FSTL4: variants seen among roughly 807,000 people sequenced by gnomAD.
FSTL4 encodes the protein follistatin like 4, also known as follistatin-related protein 4.
Under a neutral mutation model 78.2 loss-of-function variants are expected in FSTL4, and 28 were observed. That is an observed-to-expected ratio of 0.36 (90% CI 0.27 to 0.49). The LOEUF is 0.49. FSTL4 is among the 20% of genes least tolerant of loss of function. The pLI is 0.98. For missense variants in FSTL4, 922 were observed against 1,084.9 expected, an observed-to-expected ratio of 0.85 and a Z score of 2.11; for synonymous variants, 422 against 440.5, an observed-to-expected ratio of 0.96 and a Z score of 0.53.
intron 3 of FSTL4, among the ~76,000 whole-genome samples, chr5:133,419,912 C>A (rs927368750): frequency 1.3e-5 from 2 of 152,092 alleles, no homozygotes; most frequent in African/African-American, 4.8e-5. Context: ...AGGTATATAT[C>A]CAAGAGAAAT....
At chr5:133,814,902 T>G in the FSTL4 span, among the ~76,000 whole-genome samples, 10 of 152,352 alleles carry the variant, frequency 6.6e-5, no homozygotes, top group African/African-American at 2.4e-4. Flanking sequence ...CAAATTGTGC[T>G]CCAATTTGTT....
intron 2 of FSTL4, among the ~76,000 whole-genome samples, chr5:133,591,540 C>A (rs994184738): frequency 1.3e-5 from 2 of 152,122 alleles, no homozygotes; most frequent in African/African-American, 4.8e-5. Context: ...GCACCCACAT[C>A]CTCCCCTCAG....
chr5:133,831,534 C>A, the FSTL4 span, among the ~76,000 whole-genome samples: 2 of 152,194 alleles, frequency 1.3e-5, no homozygotes, highest in African/African-American at 4.8e-5. Flanking sequence ...GTAAACGACT[C>A]TTATAGGACA....
intron 3 of FSTL4, among the ~76,000 whole-genome samples, chr5:133,464,783 CA>C (rs1381594667): frequency 6.6e-6 from 1 of 152,214 alleles, no homozygotes; most frequent in Non-Finnish European, 1.5e-5. Context: ...AAAGGTTATG[CA>C]AAAGAAGAGG....
chr5:133,823,976 G>A, the FSTL4 span, among the ~76,000 whole-genome samples: 6 of 152,222 alleles, frequency 3.9e-5, no homozygotes, highest in Admixed American at 2.0e-4. Context: ...CACTTCTAGT[G>A]TTCTGAGACA....
chr5:133,212,189 A>G (rs1750754145), intron 13 of FSTL4, among the ~76,000 whole-genome samples: 1 of 152,136 alleles, frequency 6.6e-6, no homozygotes, highest in Admixed American at 6.5e-5. Flanking sequence ...TTGACAACAC[A>G]TTCTCCTCCA....
At chr5:133,417,176 A>C (rs1425752823) in intron 3 of FSTL4, among the ~76,000 whole-genome samples, 1 of 152,260 alleles carries the variant, frequency 6.6e-6, no homozygotes, top group Non-Finnish European at 1.5e-5. Flanking sequence ...ATCATATTCC[A>C]GAGAAGAACA....
At chr5:133,582,672 C>G (rs1760446945) in intron 2 of FSTL4, among the ~76,000 whole-genome samples, 1 of 152,142 alleles carries the variant, frequency 6.6e-6, no homozygotes, top group African/African-American at 2.4e-5. Context: ...AACACTGCTC[C>G]CTCACACCTC....
intron 6 of FSTL4, among the ~76,000 whole-genome samples, chr5:133,268,849 G>A (rs1752698364): frequency 1.3e-5 from 2 of 152,104 alleles, no homozygotes; most frequent in Admixed American, 6.5e-5. Flanking sequence ...CCATCATCAG[G>A]GGATTGGTTA....
chr5:133,788,926 G>GA, the FSTL4 span, among the ~76,000 whole-genome samples: 1 of 152,124 alleles, frequency 6.6e-6, no homozygotes, highest in Non-Finnish European at 1.5e-5. Context: ...GGAAGGAGAA[G>GA]AAAAAATACA....
chr5:133,215,462 A>G (rs1474402957), intron 13 of FSTL4, among the ~76,000 whole-genome samples: 1 of 151,904 alleles, frequency 6.6e-6, no homozygotes, highest in African/African-American at 2.4e-5. Context: ...TTACACATCT[A>G]ACAGTATTTT....
At chr5:133,708,106 AG>A in the FSTL4 span, among the ~76,000 whole-genome samples, 1 of 129,278 alleles carries the variant, frequency 7.7e-6, no homozygotes, top group African/African-American at 2.9e-5. Flanking sequence ...GGGGCAGGAA[AG>A]GGGAAGAGAA....
intron 4 of FSTL4, among the ~76,000 whole-genome samples, chr5:133,375,336 A>G (rs1395459539): frequency 1.4e-5 from 2 of 143,406 alleles, no homozygotes; most frequent in African/African-American, 5.0e-5. Context: ...TTACATACCA[A>G]AATATTATCC....
chr5:133,737,306 G>A, the FSTL4 span, among the ~76,000 whole-genome samples: 1 of 147,940 alleles, frequency 6.8e-6, no homozygotes, highest in Admixed American at 6.8e-5. Context: ...CTATGTCCAT[G>A]AATTCAATTG....
At chr5:133,755,379 G>T in the FSTL4 span, among the ~76,000 whole-genome samples, 1 of 152,046 alleles carries the variant, frequency 6.6e-6, no homozygotes, top group African/African-American at 2.4e-5. Context: ...AAGCAGCAAT[G>T]AACCTGCCCC....
At chr5:133,390,382 C>T (rs1238500609) in intron 4 of FSTL4, among the ~76,000 whole-genome samples, 2 of 152,266 alleles carry the variant, frequency 1.3e-5, no homozygotes, top group Non-Finnish European at 2.9e-5. Flanking sequence ...GAGGGAAGAA[C>T]TCTCTAGGAG....
chr5:133,713,374 C>T, the FSTL4 span, among the ~76,000 whole-genome samples: 2 of 152,218 alleles, frequency 1.3e-5, no homozygotes, highest in Non-Finnish European at 2.9e-5. Flanking sequence ...CAGGACCTGC[C>T]TTGCCTGGCT....
chr5:133,441,968 T>C (rs1757167345), intron 3 of FSTL4, among the ~76,000 whole-genome samples: 1 of 152,202 alleles, frequency 6.6e-6, no homozygotes, highest in South Asian at 2.1e-4. Flanking sequence ...GTTGCTGGCA[T>C]TGTACCCACA....
At chr5:133,451,111 T>C (rs1176419713) in intron 3 of FSTL4, among the ~76,000 whole-genome samples, 1 of 152,174 alleles carries the variant, frequency 6.6e-6, no homozygotes, top group African/African-American at 2.4e-5. Flanking sequence ...AGGAAGCTCT[T>C]TCCCAGTTAT....
Sources: gnomAD v4.1 joint callset for allele counts (sites outside exome capture counted in the v4.1 genomes callset) on GRCh38, gnomAD v4.1.1 for gene constraint, MANE v1.5 for transcripts, NCBI Gene and HGNC (gene_info 2026-07-23, HGNC 2026-07-21) for gene names.